The following TRIM5 variants were observed in gnomAD, a reference collection of about 807,000 sequenced individuals.
TRIM5 encodes tripartite motif containing 5, also known as tripartite motif-containing protein 5.
TRIM5 carries 31 observed loss-of-function variants against 35.6 expected under a neutral mutation model. That is an observed-to-expected ratio of 0.87 (90% CI 0.65 to 1.18). The LOEUF is 1.18. TRIM5 is among the 50% of genes most tolerant of loss of function. The pLI, the probability that TRIM5 is intolerant of heterozygous loss-of-function variation, is 0.00. For missense variants in TRIM5, 609 were observed against 591.6 expected (o/e 1.03, Z -0.31); for synonymous variants, 243 against 215.6 (o/e 1.13, Z -1.11).
rs755539364 is a variant in TRIM5 at position 5,680,082 on chromosome 11, G to A, written c.96C>T (p.His32=). ...CAGTGAGGCATGCTTGGCAGAAGCT[G>A]TGGCCGCAGTCCAGGCTCAGGGGTT... ...LTQPLSLDCG[H]SFCQACLTAN... is the part of the protein sequence containing the mutation. The change falls in exon 2 of 8, where the codon CAC becomes CAT. Residue 32 remains histidine (H), a synonymous_variant. Coordinates refer to ENST00000380034, the MANE Select transcript of TRIM5 (RefSeq NM_033034.3). 5 of 1,614,170 alleles carry A rather than the reference G, an allele frequency of 3.1e-6. No individual in the cohort carries two copies. The highest frequency in any genetic ancestry group is 4.2e-6 in the Non-Finnish European group (5 of 1,180,044).
At chr11:5,643,118 T>TAC in the TRIM5 span, 1 of 1,190,540 alleles carries the variant, frequency 8.4e-7, no homozygotes, top group South Asian at 2.1e-5. Flanking sequence ...CATATACATA[T>TAC]ATATATATTT....
chr11:5,645,813 T>G, the TRIM5 span: 1 of 237,732 alleles, frequency 4.2e-6, no homozygotes, highest in Non-Finnish European at 7.8e-6. Context: ...GCCCTGATGA[T>G]GAGACTTTTA....
the TRIM5 span, among the ~76,000 whole-genome samples, chr11:5,613,309 A>G: frequency 2.0e-5 from 3 of 152,258 alleles, no homozygotes; most frequent in Admixed American, 6.5e-5. Flanking sequence ...GTTAGTCCTC[A>G]GTCTGTTGGG....
chr11:5,594,874 A>T, the TRIM5 span, among the ~76,000 whole-genome samples: 33 of 152,146 alleles, frequency 2.2e-4, no homozygotes, highest in Middle Eastern at 6.8e-3. Flanking sequence ...GGGTCAGGAG[A>T]ATTTCAGAGC....
chr11:5,664,313 C>G lies in TRIM5; in HGVS notation c.*496G>C. 2.0e-6 allele frequency: 2 copies of G among 986,394 alleles called. No individual in the cohort carries two copies. Among genetic ancestry groups the G allele is most frequent in the Non-Finnish European group, 2.4e-6 (2 of 830,682 alleles). The allele number at this position is 986,394 out of a possible 1,614,324, so 61.1% of individuals were successfully genotyped here. A position where few individuals can be genotyped will look rare whatever the true frequency, so the allele number is the denominator to read the frequency against. ...GGAGAGACAGGAGTTGAACTGAGAT[C>G]CTCTAGATACAAAACCTCTATACTT... On this transcript the variant is annotated 3_prime_UTR_variant, in exon 8 of 8. Coordinates refer to ENST00000380034, the MANE Select transcript of TRIM5 (RefSeq NM_033034.3).
chr11:5,668,899 T>C (rs1241692666), intron 4 of TRIM5, among the ~76,000 whole-genome samples: 1 of 152,182 alleles, frequency 6.6e-6, no homozygotes, highest in Non-Finnish European at 1.5e-5. Flanking sequence ...GTTTAATACA[T>C]TCAGTAGTGA....
the TRIM5 span, chr11:5,643,048 C>CCA: frequency 7.8e-7 from 1 of 1,283,390 alleles, no homozygotes. Context: ...CACCATGTCA[C>CCA]TAGATAAACC....
the TRIM5 span, chr11:5,604,401 C>A: frequency 1.1e-6 from 1 of 931,920 alleles, no homozygotes; most frequent in Non-Finnish European, 1.5e-6. Flanking sequence ...TTTGTTGGCC[C>A]TCTCAAGTTT....
chr11:5,648,525 A>T, the TRIM5 span, among the ~76,000 whole-genome samples: 3 of 152,054 alleles, frequency 2.0e-5, no homozygotes, highest in East Asian at 3.9e-4. Flanking sequence ...ATAAATAAAT[A>T]AAATAAAATA....
the TRIM5 span, chr11:5,596,694 A>T: frequency 9.3e-6 from 7 of 755,226 alleles, no homozygotes; most frequent in Non-Finnish European, 1.5e-5. Context: ...CCGTCCGTTC[A>T]ACGGCCAAAG....
chr11:5,632,721 A>T, the TRIM5 span: 1 of 1,610,904 alleles, frequency 6.2e-7, no homozygotes, highest in Non-Finnish European at 8.5e-7. Context: ...GTCACCACAC[A>T]GTCCTCACGG....
the TRIM5 span, among the ~76,000 whole-genome samples, chr11:5,623,461 G>A: frequency 7.2e-5 from 11 of 151,734 alleles, no homozygotes; most frequent in Admixed American, 1.3e-4. Flanking sequence ...TCCGCCTCCC[G>A]GGTTCAAGCA....
downstream of TRIM5, chr11:5,663,049 C>G (rs1343072055): frequency 5.4e-6 from 1 of 185,540 alleles, no homozygotes; most frequent in African/African-American, 2.4e-5. Context: ...AGGATGAACC[C>G]TGGAGATGGA....
the TRIM5 span, among the ~76,000 whole-genome samples, chr11:5,638,120 A>T: frequency 6.6e-6 from 1 of 152,238 alleles, no homozygotes; most frequent in Non-Finnish European, 1.5e-5. Flanking sequence ...GATTATTTTA[A>T]GTTGGACATC....
At chr11:5,642,283 T>TCCC in the TRIM5 span, 1 of 782,838 alleles carries the variant, frequency 1.3e-6, no homozygotes, top group Non-Finnish European at 2.0e-6. Flanking sequence ...CTTCTCCCCC[T>TCCC]CCTCAGGCTC....
At chr11:5,631,212 T>C in the TRIM5 span, among the ~76,000 whole-genome samples, 5 of 151,384 alleles carry the variant, frequency 3.3e-5, no homozygotes, top group African/African-American at 1.2e-4. Context: ...AATCCTACCA[T>C]CTACAAACAC....
the TRIM5 span, among the ~76,000 whole-genome samples, chr11:5,593,807 G>A: frequency 6.6e-6 from 1 of 152,176 alleles, no homozygotes; most frequent in East Asian, 1.9e-4. Context: ...AGTACTCTGA[G>A]TATTCAGGAA....
In TRIM5 at chr11:5,675,465, A is replaced by C. The variant is rs577569675; in HGVS notation, c.744+2739T>G. Among the ~76,000 whole-genome samples the C allele has an allele frequency of 5.9e-5, 9 of 152,118 alleles. No individual in the cohort carries two copies. The East Asian group carries it at 1.6e-3, about 26-fold the overall frequency. ...AGGAATGAGGGAGCAGGGAGGTAAG[A>C]CAGGGAGGAGGAGAAGCCAATGTAT... On this transcript the variant is annotated intron_variant, in intron 4 of 7. Coordinates refer to ENST00000380034, the MANE Select transcript of TRIM5 (RefSeq NM_033034.3).
chr11:5,680,217 G>A lies in TRIM5; in HGVS notation c.-40C>T. ...TGCTCCTGCCTGTCCTGGCTGCTGA[G>A]GTTCCTCTTGTTCACAGATCCCTGC... is the stretch of plus-strand genomic sequence containing the variant. On this transcript the variant is annotated 5_prime_UTR_variant, in exon 2 of 8. Coordinates refer to ENST00000380034, the MANE Select transcript of TRIM5 (RefSeq NM_033034.3). 2.0e-6 allele frequency: 3 copies of A among 1,535,864 alleles called. No individual in the cohort carries two copies. Among genetic ancestry groups the A allele is most frequent in the East Asian group, 2.3e-5 (1 of 44,168 alleles).
Sources: allele counts gnomAD v4.1 joint callset (sites outside exome capture counted in the v4.1 genomes callset), GRCh38; gene constraint gnomAD v4.1.1; transcripts MANE v1.5; gene names NCBI Gene and HGNC (gene_info 2026-07-23, HGNC 2026-07-21).